PPP2R3B: variants seen among roughly 807,000 people sequenced by gnomAD.
PPP2R3B encodes protein phosphatase 2 regulatory subunit B''beta, also known as serine/threonine-protein phosphatase 2A regulatory subunit B'' subunit beta.
PPP2R3B carries 68 observed loss-of-function variants against 72.9 expected under a neutral mutation model. That is an observed-to-expected ratio of 0.93 (90% CI 0.77 to 1.14). The LOEUF (loss-of-function observed/expected upper bound fraction) is 1.14. PPP2R3B is among the 50% of genes most tolerant of loss of function. The probability of loss-of-function intolerance (pLI) is 0.00; values close to 1 mark genes in which losing one functional copy is unlikely to be tolerated. For synonymous variants in PPP2R3B, 466 were observed against 375.8 expected, an observed-to-expected ratio of 1.24 and a Z score of -2.78; for missense variants, 1,018 against 842.0, an observed-to-expected ratio of 1.21 and a Z score of -2.59.
chrX:356,498 G>T (rs1440215223), intron 2 of PPP2R3B, among the ~76,000 whole-genome samples: 1 of 152,186 alleles, frequency 6.6e-6, no homozygotes, highest in Non-Finnish European at 1.5e-5. Flanking sequence ...TTAGTGGAGT[G>T]AGCCACCACT....
intron 1 of PPP2R3B, among the ~76,000 whole-genome samples, chrX:368,820 G>C (rs1211193610): frequency 1.7e-5 from 2 of 117,424 alleles, no homozygotes; most frequent in African/African-American, 3.6e-5. Flanking sequence ...GGCACTGACG[G>C]GGGGAAGGCC....
chrX:359,295 A>G (rs1209011909), intron 2 of PPP2R3B, among the ~76,000 whole-genome samples: 1 of 152,212 alleles, frequency 6.6e-6, no homozygotes, highest in African/African-American at 2.4e-5. Context: ...CAACTTCAAG[A>G]GCACCAAGGA....
chrX:381,468 A>G (rs1297121198), intron 1 of PPP2R3B, among the ~76,000 whole-genome samples: 3 of 152,032 alleles, frequency 2.0e-5, no homozygotes. Context: ...TTTATTTATG[A>G]AAATCTCTTC....
At chrX:382,534 C>T (rs759524097) in intron 1 of PPP2R3B, among the ~76,000 whole-genome samples, 1 of 152,186 alleles carries the variant, frequency 6.6e-6, no homozygotes, top group Admixed American at 6.5e-5. Context: ...GCCCCCTATA[C>T]CCAATAAACT....
In PPP2R3B at chrX:386,784, G is replaced by C. The variant is rs1474322511; in HGVS notation, c.-93C>G. ...CCCCGGACCGACCTCGGTGATGCGA[G>C]CACGGCCCGCTGAGGGGGCGCGGCG... On this transcript the variant is annotated 5_prime_UTR_variant, in exon 1 of 13. Transcript: ENST00000390665. 60 of 768,450 alleles carry C rather than the reference G, an allele frequency of 7.8e-5. No homozygotes were observed. The highest frequency in any genetic ancestry group is 9.7e-5 in the Non-Finnish European group (57 of 589,588). 47.6% of individuals were successfully genotyped at this position (768,450 alleles called of 1,614,324 possible).
chrX:357,516 G>A (rs1384990409), intron 2 of PPP2R3B, among the ~76,000 whole-genome samples: 2 of 152,204 alleles, frequency 1.3e-5, no homozygotes, highest in African/African-American at 4.8e-5. Context: ...TGTGTAGCAT[G>A]ACGGATCAAG....
At chrX:374,251 C>G (rs2071940977) in intron 1 of PPP2R3B, among the ~76,000 whole-genome samples, 1 of 152,194 alleles carries the variant, frequency 6.6e-6, no homozygotes, top group Non-Finnish European at 1.5e-5. Context: ...AACACCAGAG[C>G]TGGCTGCAGG....
chrX:341,858 C>G (rs367750168), intron 8 of PPP2R3B, 25 bp downstream of exon 8: 1 of 1,612,052 alleles, frequency 6.2e-7, no homozygotes, highest in East Asian at 2.2e-5. Context: ...CAATGGCTGC[C>G]GTCAGGCGCC....
Position 340,950 on chromosome X carries a change from G to A in PPP2R3B, c.1176-10C>T, listed in dbSNP as rs755005066. On this transcript the variant is annotated splice_polypyrimidine_tract_variant and intron_variant, in intron 9 of 12. Transcript: ENST00000390665. The stretch of plus-strand genomic sequence containing the variant: ...GAACCAGTACTCGATGCTGCGGCAC[G>A]GCGAGCTCTGTCAGCCCCTGCCCTG... The A allele has an allele frequency of 5.5e-5, 89 of 1,607,292 alleles. No individual in the cohort carries two copies. The highest frequency in any genetic ancestry group is 1.9e-4 in the Middle Eastern group (1 of 5,148).
At chrX:350,131 T>A (rs1196826634) in intron 2 of PPP2R3B, among the ~76,000 whole-genome samples, 1 of 152,126 alleles carries the variant, frequency 6.6e-6, no homozygotes, top group Non-Finnish European at 1.5e-5. Context: ...TAATGAAGAC[T>A]CAGTCAGTCT....
At chrX:337,262 A>G (rs892482358) in intron 12 of PPP2R3B, 1 of 151,474 alleles carries the variant, frequency 6.6e-6, no homozygotes, top group African/African-American at 2.4e-5. Context: ...TTTTTTGTTT[A>G]GTAGAGACGG....
At chrX:334,617 G>GA in intron 12 of PPP2R3B, 100 bp from the exon 13 acceptor site, 1 of 1,302,742 alleles carries the variant, frequency 7.7e-7, no homozygotes, top group Non-Finnish European at 9.9e-7. Context: ...CCTCCAGCAC[G>GA]AGACAGTCCC....
At chrX:372,184 G>A (rs970394486) in intron 1 of PPP2R3B, among the ~76,000 whole-genome samples, 43 of 152,250 alleles carry the variant, frequency 2.8e-4, no homozygotes, top group African/African-American at 9.9e-4. Context: ...CTCGCTCTTC[G>A]CAGGTTAAGA....
chrX:339,056 C>T (rs2070979319), intron 10 of PPP2R3B, among the ~76,000 whole-genome samples, 160 bp from the exon 11 acceptor site: 1 of 152,104 alleles, frequency 6.6e-6, no homozygotes, highest in Non-Finnish European at 1.5e-5. Flanking sequence ...ACGCGAGTGT[C>T]CTGGTTCTGG....
At chrX:337,295 T>C (rs1030239898) in intron 12 of PPP2R3B, 3 of 152,090 alleles carry the variant, frequency 2.0e-5, no homozygotes, top group Admixed American at 6.6e-5. Context: ...TTGGCCAGGA[T>C]GGTCTCGATC....
Position 338,970 on chromosome X carries a change from G to C in PPP2R3B, c.1352-74C>G, listed in dbSNP as rs189052580. 3.9e-3 allele frequency: 4,786 copies of C among 1,241,568 alleles called. 18 individuals carry two copies. Among genetic ancestry groups the C allele is most frequent in the Non-Finnish European group, 5.0e-3 (4,195 of 843,818 alleles). The allele number at this position is 1,241,568 out of a possible 1,614,324, so 76.9% of individuals were successfully genotyped here. A position where few individuals can be genotyped will look rare whatever the true frequency, so the allele number is the denominator to read the frequency against. On this transcript the variant is annotated intron_variant, in intron 10 of 12. Coordinates refer to ENST00000390665, the MANE Select transcript of PPP2R3B (RefSeq NM_013239.5). ...CGGGGCCTGGGTGTGGGGTGCGCGC[G>C]TCCTGTCACACGTGCTTAAGGACGC...
intron 2 of PPP2R3B, among the ~76,000 whole-genome samples, chrX:351,469 G>A (rs2071331457): frequency 6.6e-6 from 1 of 152,234 alleles, no homozygotes; most frequent in Non-Finnish European, 1.5e-5. Context: ...ATCCAGCCGT[G>A]CAGGATATAG....
chrX:359,775 C>A, intron 2 of PPP2R3B: 2 of 485,408 alleles, frequency 4.1e-6, no homozygotes, highest in Non-Finnish European at 8.0e-6. Context: ...CATATTTGTA[C>A]ATAATTGCTC....
chrX:386,519 C>A lies in PPP2R3B; in HGVS notation c.173G>T (p.Trp58Leu). Residue 58 changes from tryptophan (W) to leucine (L), a missense_variant, in exon 1 of 13, where the codon TGG becomes TTG. Physicochemically the swap from Trp to Leu is moderately conservative, Grantham distance 61. Coordinates refer to ENST00000390665, the MANE Select transcript of PPP2R3B (RefSeq NM_013239.5). The stretch of plus-strand genomic sequence containing the variant: ...GGGGGCGGCGAGCGGGGCTGTGGGC[C>A]AGGCCCCGGGCTGCTCCCCGTCCCC... ...TPGDGEQPGA[W>L]PTAPLAAPRP... 1 of 1,363,440 alleles carries A rather than the reference C, an allele frequency of 7.3e-7. No homozygotes were observed. The highest frequency in any genetic ancestry group is 1.7e-5 in the South Asian group (1 of 58,278). The allele number at this position is 1,363,440 out of a possible 1,614,324, so 84.5% of individuals were successfully genotyped here.
Sources: gnomAD v4.1 joint callset for allele counts (sites outside exome capture counted in the v4.1 genomes callset) on GRCh38, gnomAD v4.1.1 for gene constraint, MANE v1.5 for transcripts, NCBI Gene and HGNC (gene_info 2026-07-23, HGNC 2026-07-21) for gene names.